ADGRV1: variants seen among roughly 807,000 people sequenced by gnomAD.
ADGRV1 encodes the protein adhesion G protein-coupled receptor V1, also known as G-protein coupled receptor 98.
Under a neutral mutation model 596.2 loss-of-function variants are expected in ADGRV1, and 359 were observed. The observed-to-expected ratio is 0.60, with a 90% CI of 0.55 to 0.66. The LOEUF (loss-of-function observed/expected upper bound fraction) is 0.66, where lower values mean the gene tolerates loss of function less well. Ranked by LOEUF, ADGRV1 falls within the 30% of genes least tolerant of loss-of-function variation. ADGRV1 has a pLI of 0.00. For synonymous variants in ADGRV1, 2,681 were observed against 2,679.2 expected, an observed-to-expected ratio of 1.00 and a Z score of -0.02; for missense variants, 7,274 against 7,575.6, an observed-to-expected ratio of 0.96 and a Z score of 1.48.
intron 1 of ADGRV1, among the ~76,000 whole-genome samples, chr5:90,585,103 C>T (rs1445753963): frequency 6.6e-6 from 1 of 152,192 alleles, no homozygotes; most frequent in Non-Finnish European, 1.5e-5. Flanking sequence ...GGAATTTCAA[C>T]TGAAGCACCA....
chr5:90,587,246 T>C (rs1291944213), intron 1 of ADGRV1, among the ~76,000 whole-genome samples: 1 of 152,198 alleles, frequency 6.6e-6, no homozygotes, highest in African/African-American at 2.4e-5. Flanking sequence ...TTACCTGGTT[T>C]CCTTGCTCAA....
chr5:91,091,314 A>G (rs1790366290), intron 86 of ADGRV1, among the ~76,000 whole-genome samples: 1 of 152,160 alleles, frequency 6.6e-6, no homozygotes, highest in South Asian at 2.1e-4. Flanking sequence ...TGACATCCAC[A>G]TTTCTCTGTG....
intron 81 of ADGRV1, 62 bp downstream of exon 81, chr5:90,854,263 C>T (rs1222919698): frequency 1.5e-6 from 2 of 1,293,834 alleles, no homozygotes; most frequent in Non-Finnish European, 2.1e-6. Flanking sequence ...TACCACTGAG[C>T]CTAATGTTTT....
intron 83 of ADGRV1, among the ~76,000 whole-genome samples, chr5:90,870,431 A>G (rs1768551224): frequency 6.6e-6 from 1 of 152,186 alleles, no homozygotes; most frequent in African/African-American, 2.4e-5. Flanking sequence ...TTTAGAGACC[A>G]CGCTATGTGG....
intron 84 of ADGRV1, among the ~76,000 whole-genome samples, chr5:90,976,226 A>G (rs190825336): frequency 1.4e-5 from 2 of 147,568 alleles, no homozygotes; most frequent in Admixed American, 6.8e-5. Context: ...GTATATATAT[A>G]TATATATACA....
chr5:91,085,589 A>G (rs1789796097), intron 86 of ADGRV1, among the ~76,000 whole-genome samples: 1 of 151,888 alleles, frequency 6.6e-6, no homozygotes, highest in South Asian at 2.1e-4. Context: ...CTTCTTTGCC[A>G]TTTTTCGTTT....
chr5:90,769,635 A>G (rs1220837081), intron 59 of ADGRV1, among the ~76,000 whole-genome samples: 3 of 152,178 alleles, frequency 2.0e-5, no homozygotes, highest in East Asian at 3.8e-4. Flanking sequence ...ATTGTTTCTC[A>G]TGAACATTGT....
intron 50 of ADGRV1, among the ~76,000 whole-genome samples, chr5:90,738,769 A>G (rs949002287): frequency 6.6e-6 from 1 of 152,124 alleles, no homozygotes; most frequent in Non-Finnish European, 1.5e-5. Flanking sequence ...TTGTCTGGGT[A>G]AACTCTTCAT....
chr5:91,027,847 A>G (rs1267188363), intron 85 of ADGRV1, among the ~76,000 whole-genome samples: 3 of 152,194 alleles, frequency 2.0e-5, no homozygotes, highest in African/African-American at 7.2e-5. Flanking sequence ...AATTGTTGGT[A>G]GTATAAATAC....
chr5:90,892,131 C>T (rs1023802064), intron 83 of ADGRV1, among the ~76,000 whole-genome samples: 2 of 151,180 alleles, frequency 1.3e-5, no homozygotes, highest in Non-Finnish European at 3.0e-5. Context: ...GTAGATTTAT[C>T]CACTTCTTTT....
intron 68 of ADGRV1, 65 bp downstream of exon 68, chr5:90,788,375 C>T (rs1284942734): frequency 1.8e-5 from 26 of 1,412,036 alleles, no homozygotes; most frequent in South Asian, 1.7e-4. Flanking sequence ...AATACATTTA[C>T]ATTTGTTGAA....
chr5:90,947,744 G>A (rs975690161), intron 83 of ADGRV1, among the ~76,000 whole-genome samples: 4 of 152,244 alleles, frequency 2.6e-5, no homozygotes, highest in Admixed American at 2.6e-4. Flanking sequence ...ACAAAGGTAT[G>A]TTTATCCTCC....
At position 90,728,549 on chromosome 5, in the gene ADGRV1, G is replaced by T. The variant is rs544116410; in HGVS notation, c.10162-120G>T. 553 of 849,206 alleles carry T rather than the reference G, an allele frequency of 6.5e-4. 6 individuals carry two copies. The South Asian group carries it at 7.9e-3, about 12-fold the overall frequency. The allele number at this position is 849,206 out of a possible 1,614,324, so 52.6% of individuals were successfully genotyped here. Reference sequence around the variant, plus strand: ...TCAGTTTTAGTATTTTCTTATTTATGAAAGTATCTTTTTAACTAAATAAAA... The same window carrying T: ...TCAGTTTTAGTATTTTCTTATTTATTAAAGTATCTTTTTAACTAAATAAAA... On this transcript the variant is annotated intron_variant, in intron 48 of 89. Coordinates refer to ENST00000405460, the MANE Select transcript of ADGRV1 (RefSeq NM_032119.4).
At chr5:90,598,202 G>T (rs887571044) in intron 1 of ADGRV1, among the ~76,000 whole-genome samples, 1 of 152,148 alleles carries the variant, frequency 6.6e-6, no homozygotes, top group African/African-American at 2.4e-5. Context: ...GTATACCCAC[G>T]CCTTCAATTA....
At chr5:90,646,132 TA>T (rs1035228245) in intron 16 of ADGRV1, 41 bp downstream of exon 16, 3 of 1,452,084 alleles carry the variant, frequency 2.1e-6, no homozygotes, top group African/African-American at 2.8e-5. Flanking sequence ...ACATATTTCT[TA>T]AATAGTATAT....
chr5:90,586,026 A>T (rs531394420), intron 1 of ADGRV1, among the ~76,000 whole-genome samples: 9 of 152,350 alleles, frequency 5.9e-5, no homozygotes, highest in African/African-American at 2.2e-4. Context: ...ACCAGCTTGC[A>T]GCAGTCCCTA....
Position 90,644,698 on chromosome 5 carries a change from T to C in ADGRV1, c.2735-8T>C, listed in dbSNP as rs1181016921. 4.4e-6 allele frequency: 7 copies of C among 1,599,446 alleles called. No individual in the cohort carries two copies. The highest frequency in any genetic ancestry group is 2.7e-5 in the African/African-American group (2 of 74,280). On this transcript the variant is annotated splice_region_variant and splice_polypyrimidine_tract_variant and intron_variant, in intron 14 of 89. Coordinates refer to ENST00000405460, the MANE Select transcript of ADGRV1 (RefSeq NM_032119.4). ...TTCATATGTATTATGTATGTTTCCA[T>C]TTCACAGCTGTTTATGATGTAGTAA...
intron 1 of ADGRV1, among the ~76,000 whole-genome samples, chr5:90,583,738 A>T (rs1758374793): frequency 6.6e-6 from 1 of 152,218 alleles, no homozygotes; most frequent in Non-Finnish European, 1.5e-5. Flanking sequence ...CATTCTTATT[A>T]CATAGTTAAT....
chr5:91,010,317 A>C (rs1401132580), intron 85 of ADGRV1, among the ~76,000 whole-genome samples: 1 of 152,128 alleles, frequency 6.6e-6, no homozygotes, highest in African/African-American at 2.4e-5. Flanking sequence ...GCACACATCT[A>C]TCCATCTTCT....
Sources: gnomAD v4.1 joint callset for allele counts (sites outside exome capture counted in the v4.1 genomes callset) on GRCh38, gnomAD v4.1.1 for gene constraint, MANE v1.5 for transcripts, NCBI Gene and HGNC (gene_info 2026-07-23, HGNC 2026-07-21) for gene names.